PLSCR2: variants seen among roughly 807,000 people sequenced by gnomAD.
The protein encoded by PLSCR2 is phospholipid scramblase 2.
In PLSCR2, 18 loss-of-function variants were observed where a neutral mutation model predicts 25.3. The ratio of observed to expected loss-of-function variants is 0.71; its 90% CI spans 0.49 to 1.06. PLSCR2 has a LOEUF of 1.06. PLSCR2 is among the 50% of genes least tolerant of loss of function. The pLI, the probability that PLSCR2 is intolerant of heterozygous loss-of-function variation, is 0.00. For missense variants in PLSCR2, 243 were observed against 269.5 expected (o/e 0.90, Z 0.69); for synonymous variants, 88 against 87.3 (o/e 1.01, Z -0.04).
At chr3:146,484,839 C>A (rs978114165) in intron 1 of PLSCR2, among the ~76,000 whole-genome samples, 15 of 152,028 alleles carry the variant, frequency 9.9e-5, no homozygotes, top group South Asian at 4.1e-4. Flanking sequence ...CAAAGACACA[C>A]CAAAAGATAA....
chr3:146,438,705 T>C (rs1422792386), downstream of PLSCR2, among the ~76,000 whole-genome samples: 1 of 152,186 alleles, frequency 6.6e-6, no homozygotes, highest in Non-Finnish European at 1.5e-5. Flanking sequence ...TACAGCACAC[T>C]GATGGGTCTT....
At chr3:146,481,940 TCTGATTGACAAAC>T (rs767665643) in intron 1 of PLSCR2, among the ~76,000 whole-genome samples, 5 of 151,884 alleles carry the variant, frequency 3.3e-5, no homozygotes, top group African/African-American at 7.2e-5. Flanking sequence ...TCTACAACCA[TCTGATTGACAAAC>T]CTGACAAGAA....
chr3:146,430,026 C>T (rs1453442518), downstream of PLSCR2, among the ~76,000 whole-genome samples: 9 of 152,032 alleles, frequency 5.9e-5, no homozygotes, highest in Non-Finnish European at 1.3e-4. Flanking sequence ...AGCAGTTTCC[C>T]CCCACTAAAT....
chr3:146,448,903 A>G (rs779516470), intron 6 of PLSCR2, among the ~76,000 whole-genome samples: 2 of 152,150 alleles, frequency 1.3e-5, no homozygotes, highest in Non-Finnish European at 2.9e-5. Context: ...GACTAGCTTC[A>G]CATTTTTCTC....
chr3:146,459,642 C>T (rs970688355), intron 2 of PLSCR2, among the ~76,000 whole-genome samples: 1 of 152,132 alleles, frequency 6.6e-6, no homozygotes, highest in Non-Finnish European at 1.5e-5. Flanking sequence ...AAACAATCAC[C>T]TGTGACATTC....
chr3:146,418,175 A>G (rs77375620), intron 2 of PLSCR2, among the ~76,000 whole-genome samples: 1 of 152,180 alleles, frequency 6.6e-6, no homozygotes, highest in African/African-American at 2.4e-5. Context: ...TTTCTGGATT[A>G]TGATATAGGT....
intron 8 of PLSCR2, among the ~76,000 whole-genome samples, chr3:146,436,287 T>G (rs2039853460): frequency 6.6e-6 from 1 of 152,226 alleles, no homozygotes; most frequent in South Asian, 2.1e-4. Flanking sequence ...AACTTTAAAG[T>G]AGTTTTTTCC....
At chr3:146,482,775 C>T (rs922588743) in intron 1 of PLSCR2, among the ~76,000 whole-genome samples, 2 of 152,080 alleles carry the variant, frequency 1.3e-5, no homozygotes, top group Non-Finnish European at 2.9e-5. Flanking sequence ...CACATGAACA[C>T]GTATATTTAT....
At chr3:146,411,633 C>T (rs1352864727) in intron 2 of PLSCR2, among the ~76,000 whole-genome samples, 4 of 152,130 alleles carry the variant, frequency 2.6e-5, no homozygotes, top group East Asian at 1.9e-4. Flanking sequence ...TTAGAGAAAA[C>T]GCCACACTTT....
intron 1 of PLSCR2, among the ~76,000 whole-genome samples, chr3:146,489,685 T>C (rs968991479): frequency 5.9e-5 from 9 of 152,150 alleles, no homozygotes; most frequent in Admixed American, 2.6e-4. Flanking sequence ...AGAAACTATA[T>C]AAAGAATACT....
At chr3:146,484,534 C>T (rs1393865558) in intron 1 of PLSCR2, among the ~76,000 whole-genome samples, 1 of 152,020 alleles carries the variant, frequency 6.6e-6, no homozygotes, top group African/African-American at 2.4e-5. Flanking sequence ...TAAGGGCAGC[C>T]AGAGAGAAAG....
At chr3:146,461,367 T>C (rs1267529477), upstream of PLSCR2, among the ~76,000 whole-genome samples, 1 of 152,218 alleles carries the variant, frequency 6.6e-6, no homozygotes, top group Non-Finnish European at 1.5e-5. Flanking sequence ...TTTTATAATT[T>C]ATTCCTCCTA....
intron 1 of PLSCR2, among the ~76,000 whole-genome samples, chr3:146,473,390 C>A (rs2042183434): frequency 6.7e-6 from 1 of 149,992 alleles, no homozygotes; most frequent in African/African-American, 2.5e-5. Context: ...CTGCAGCAAC[C>A]TCCACCTCCC....
chr3:146,411,178 C>T (rs906521117), intron 2 of PLSCR2, among the ~76,000 whole-genome samples: 1 of 152,084 alleles, frequency 6.6e-6, no homozygotes, highest in Non-Finnish European at 1.5e-5. Context: ...CTGCCAGAAA[C>T]TAAGGCTCAG....
chr3:146,461,757 A>T (rs1252076097), upstream of PLSCR2: 1 of 699,400 alleles, frequency 1.4e-6, no homozygotes, highest in Non-Finnish European at 2.6e-6. Context: ...TTGTCACCAA[A>T]GCAATAGGAA....
intron 2 of PLSCR2, among the ~76,000 whole-genome samples, chr3:146,397,301 A>C (rs1394141188): frequency 6.6e-6 from 1 of 152,094 alleles, no homozygotes; most frequent in Admixed American, 6.6e-5. Context: ...TCATAATAAA[A>C]ATTTTTGCAT....
intron 2 of PLSCR2, among the ~76,000 whole-genome samples, chr3:146,397,584 A>G (rs539017281): frequency 6.6e-6 from 1 of 152,244 alleles, no homozygotes; most frequent in African/African-American, 2.4e-5. Context: ...AGCTTACCCA[A>G]GAGTGCCAGC....
intron 2 of PLSCR2, among the ~76,000 whole-genome samples, chr3:146,427,251 C>T (rs1031162967): frequency 3.3e-5 from 5 of 152,182 alleles, no homozygotes; most frequent in African/African-American, 1.2e-4. Flanking sequence ...ACTTCTCTAA[C>T]TGTAGAATCT....
chr3:146,423,416 T>C (rs1576594679), intron 2 of PLSCR2, among the ~76,000 whole-genome samples: 2 of 152,016 alleles, frequency 1.3e-5, no homozygotes, highest in Admixed American at 1.3e-4. Flanking sequence ...ATACTATCTA[T>C]AACACATTAC....
Sources: gnomAD v4.1 joint callset for allele counts (sites outside exome capture counted in the v4.1 genomes callset) on GRCh38, gnomAD v4.1.1 for gene constraint, MANE v1.5 for transcripts, NCBI Gene and HGNC (gene_info 2026-07-23, HGNC 2026-07-21) for gene names.